ADAM12: variants seen among roughly 807,000 people sequenced by gnomAD.
ADAM12 encodes disintegrin and metalloproteinase domain-containing protein 12.
In ADAM12, 70 loss-of-function variants were observed where a neutral mutation model predicts 106.4. The ratio of observed to expected loss-of-function variants is 0.66; its 90% CI spans 0.54 to 0.80. ADAM12 has a LOEUF of 0.80. ADAM12 is among the 30% of genes least tolerant of loss of function. ADAM12 has a pLI of 0.00. For missense variants in ADAM12, 1,010 were observed against 1,171.9 expected, an observed-to-expected ratio of 0.86 and a Z score of 2.02; for synonymous variants, 420 against 433.5, an observed-to-expected ratio of 0.97 and a Z score of 0.39.
At chr10:126,074,692 A>C (rs1197925147) in intron 11 of ADAM12, among the ~76,000 whole-genome samples, 1 of 152,216 alleles carries the variant, frequency 6.6e-6, no homozygotes, top group African/African-American at 2.4e-5. Context: ...TCATGCATAC[A>C]TAAATGGTCG....
intron 4 of ADAM12, among the ~76,000 whole-genome samples, chr10:126,144,712 T>C (rs1414034480): frequency 6.6e-6 from 1 of 152,200 alleles, no homozygotes; most frequent in Admixed American, 6.5e-5. Flanking sequence ...ATCAGCCGCA[T>C]CCCAGCTTCT....
intron 3 of ADAM12, among the ~76,000 whole-genome samples, chr10:126,209,452 AATTG>A (rs1323707522): frequency 1.3e-5 from 2 of 152,250 alleles, no homozygotes; most frequent in African/African-American, 4.8e-5. Flanking sequence ...TTATAAGGAT[AATTG>A]ATGGTGAGAA....
intron 3 of ADAM12, among the ~76,000 whole-genome samples, chr10:126,207,300 G>A (rs1957816173): frequency 1.3e-5 from 2 of 152,206 alleles, no homozygotes; most frequent in South Asian, 4.1e-4. Context: ...GAATGCAATG[G>A]CTCCCAACAT....
At chr10:126,174,041 T>A in intron 3 of ADAM12, among the ~76,000 whole-genome samples, 1 of 133,566 alleles carries the variant, frequency 7.5e-6, no homozygotes, top group African/African-American at 2.9e-5. Context: ...TTTTTTGAGA[T>A]AGAGTCTCAC....
chr10:126,332,061 G>C (rs531757178), intron 1 of ADAM12, among the ~76,000 whole-genome samples: 2 of 152,290 alleles, frequency 1.3e-5, no homozygotes, highest in African/African-American at 4.8e-5. Flanking sequence ...GGCTTTGGAG[G>C]AAGACGCACC....
chr10:126,260,300 C>G (rs1028222030), intron 3 of ADAM12, among the ~76,000 whole-genome samples: 1 of 152,188 alleles, frequency 6.6e-6, no homozygotes, highest in Non-Finnish European at 1.5e-5. Context: ...AAAAGCTGCC[C>G]TCTGTTCCTG....
chr10:126,154,125 A>C (rs1045856298), intron 4 of ADAM12, among the ~76,000 whole-genome samples: 3 of 152,032 alleles, frequency 2.0e-5, no homozygotes, highest in Non-Finnish European at 4.4e-5. Context: ...TTCCAAACCC[A>C]AGCACCAGGC....
At chr10:126,293,628 C>T (rs1362436588) in intron 2 of ADAM12, among the ~76,000 whole-genome samples, 3 of 152,196 alleles carry the variant, frequency 2.0e-5, no homozygotes, top group Non-Finnish European at 4.4e-5. Flanking sequence ...AAGCAATTCT[C>T]CTGCCTCAGC....
chr10:126,273,400 C>A (rs887361728), intron 3 of ADAM12: 1 of 152,238 alleles, frequency 6.6e-6, no homozygotes, highest in Non-Finnish European at 1.5e-5. Flanking sequence ...TGCTGGTTTG[C>A]CCAGTATATT....
At chr10:126,387,927 A>G in intron 1 of ADAM12, 131 bp downstream of exon 1, 1 of 1,127,358 alleles carries the variant, frequency 8.9e-7, no homozygotes, top group South Asian at 4.4e-5. Flanking sequence ...TGGAAGCGCA[A>G]GCCCCGGGGC....
chr10:126,031,286 T>A (rs1327364991), intron 21 of ADAM12, among the ~76,000 whole-genome samples: 1 of 152,358 alleles, frequency 6.6e-6, no homozygotes, highest in Non-Finnish European at 1.5e-5. Flanking sequence ...CATTACAAAT[T>A]GGCATTTCTG....
At chr10:126,028,249 G>C (rs573999308) in intron 21 of ADAM12, among the ~76,000 whole-genome samples, 1 of 152,078 alleles carries the variant, frequency 6.6e-6, no homozygotes, top group African/African-American at 2.4e-5. Flanking sequence ...TGGCCATACT[G>C]CCCAAATAGA....
chr10:126,216,488 G>A (rs1012029467), intron 3 of ADAM12, among the ~76,000 whole-genome samples: 13 of 152,222 alleles, frequency 8.5e-5, no homozygotes, highest in Admixed American at 6.5e-5. Flanking sequence ...TATTCCATCA[G>A]AGCCTTCTAC....
At chr10:126,107,216 C>T (rs747262727) in intron 8 of ADAM12, among the ~76,000 whole-genome samples, 3 of 152,146 alleles carry the variant, frequency 2.0e-5, no homozygotes, top group Admixed American at 1.3e-4. Context: ...ACTGAACTTA[C>T]CTTTGAGGAT....
intron 1 of ADAM12, among the ~76,000 whole-genome samples, chr10:126,360,465 A>T (rs190314892): frequency 3.9e-4 from 60 of 152,248 alleles, no homozygotes; most frequent in African/African-American, 1.4e-3. Context: ...TCCTCCAGAT[A>T]CCCTAAATCA....
intron 4 of ADAM12, among the ~76,000 whole-genome samples, chr10:126,139,713 T>A (rs1014147116): frequency 6.6e-6 from 1 of 151,752 alleles, no homozygotes; most frequent in Non-Finnish European, 1.5e-5. Flanking sequence ...GATGCAGGAG[T>A]GTAGCTCTCA....
At chr10:126,031,796 C>G (rs1649665786) in intron 21 of ADAM12, among the ~76,000 whole-genome samples, 1 of 152,092 alleles carries the variant, frequency 6.6e-6, no homozygotes, top group African/African-American at 2.4e-5. Context: ...CATCACTGAA[C>G]TGAAGATCTC....
At chr10:126,320,381 G>A (rs979796562) in intron 2 of ADAM12, among the ~76,000 whole-genome samples, 3 of 152,160 alleles carry the variant, frequency 2.0e-5, no homozygotes, top group South Asian at 4.1e-4. Context: ...GTAGTCAAGC[G>A]TTGTTTTAAT....
At chr10:126,180,259 G>A (rs998395837) in intron 3 of ADAM12, among the ~76,000 whole-genome samples, 2 of 152,192 alleles carry the variant, frequency 1.3e-5, no homozygotes, top group Non-Finnish European at 2.9e-5. Flanking sequence ...ATTAAGGTTT[G>A]AATCCGAGCT....
Sources: gnomAD v4.1 joint callset for allele counts (sites outside exome capture counted in the v4.1 genomes callset) on GRCh38, gnomAD v4.1.1 for gene constraint, MANE v1.5 for transcripts, NCBI Gene and HGNC (gene_info 2026-07-23, HGNC 2026-07-21) for gene names.